Variants in LRRC4C observed in about 807,000 individuals in gnomAD.
LRRC4C encodes leucine-rich repeat-containing protein 4C.
Under a neutral mutation model 33.6 loss-of-function variants are expected in LRRC4C, and 5 were observed. The ratio of observed to expected loss-of-function variants is 0.15; its 90% CI spans 0.08 to 0.31. LRRC4C has a LOEUF of 0.31. Ranked by LOEUF, LRRC4C falls within the 10% of genes least tolerant of loss-of-function variation. LRRC4C has a pLI of 1.00. For missense variants in LRRC4C, 560 were observed against 796.7 expected, an observed-to-expected ratio of 0.70 and a Z score of 3.58; for synonymous variants, 329 against 302.0, an observed-to-expected ratio of 1.09 and a Z score of -0.93.
intron 2 of LRRC4C, among the ~76,000 whole-genome samples, chr11:40,907,156 C>G (rs1485624088): frequency 1.3e-5 from 2 of 152,216 alleles, no homozygotes; most frequent in Non-Finnish European, 2.9e-5. Context: ...TCAGATAGTT[C>G]AACATCTTTG....
At chr11:40,677,087 T>A (rs1027426213) in intron 2 of LRRC4C, among the ~76,000 whole-genome samples, 2 of 152,146 alleles carry the variant, frequency 1.3e-5, no homozygotes, top group Non-Finnish European at 2.9e-5. Flanking sequence ...CTCTTCTTTC[T>A]TTACTTTTCA....
intron 5 of LRRC4C, among the ~76,000 whole-genome samples, chr11:40,160,204 A>C (rs1307191648): frequency 2.0e-5 from 3 of 151,744 alleles, no homozygotes; most frequent in Non-Finnish European, 4.4e-5. Flanking sequence ...ACAGAGTTTT[A>C]CTATGAGTCC....
chr11:40,322,287 TCAGGCTGGAGTG>T (rs893072828), intron 3 of LRRC4C, among the ~76,000 whole-genome samples: 2 of 152,086 alleles, frequency 1.3e-5, no homozygotes, highest in Non-Finnish European at 1.5e-5. Flanking sequence ...ACTCTGTCAC[TCAGGCTGGAGTG>T]CAGTGGTGCG....
chr11:40,443,089 C>G (rs1951466542), intron 3 of LRRC4C, among the ~76,000 whole-genome samples: 1 of 152,242 alleles, frequency 6.6e-6, no homozygotes, highest in South Asian at 2.1e-4. Context: ...GATTGGCCAA[C>G]TGAGACTCAT....
intron 3 of LRRC4C, among the ~76,000 whole-genome samples, chr11:40,458,675 T>C (rs1280164206): frequency 6.6e-6 from 1 of 152,292 alleles, no homozygotes. Context: ...CTAAACTTGT[T>C]TTCTTTTGTA....
chr11:40,156,558 C>T (rs988924107), intron 5 of LRRC4C, among the ~76,000 whole-genome samples: 1 of 151,818 alleles, frequency 6.6e-6, no homozygotes, highest in African/African-American at 2.4e-5. Context: ...CAACAGAAAC[C>T]AAGCAGAGAA....
intron 2 of LRRC4C, among the ~76,000 whole-genome samples, chr11:40,891,440 A>C (rs1439358748): frequency 6.6e-6 from 1 of 152,188 alleles, no homozygotes; most frequent in East Asian, 1.9e-4. Context: ...TCAAAATACC[A>C]ATGACATCCT....
intron 1 of LRRC4C, among the ~76,000 whole-genome samples, chr11:41,180,666 G>A (rs1945406579): frequency 6.6e-6 from 1 of 152,142 alleles, no homozygotes; most frequent in Non-Finnish European, 1.5e-5. Context: ...TACTGATGGT[G>A]CAGTACTGCT....
At chr11:40,168,984 T>G (rs763622001) in intron 5 of LRRC4C, among the ~76,000 whole-genome samples, 2 of 152,072 alleles carry the variant, frequency 1.3e-5, no homozygotes, top group Non-Finnish European at 2.9e-5. Context: ...TTACTTTAGT[T>G]TTTTTTTCCT....
At chr11:40,867,304 G>A (rs1362739412) in intron 2 of LRRC4C, among the ~76,000 whole-genome samples, 1 of 152,156 alleles carries the variant, frequency 6.6e-6, no homozygotes, top group Non-Finnish European at 1.5e-5. Context: ...TTAGAAAGAT[G>A]AGGGCTTGAC....
intron 4 of LRRC4C, among the ~76,000 whole-genome samples, chr11:40,255,573 T>C (rs745682907): frequency 5.9e-5 from 9 of 152,194 alleles, no homozygotes; most frequent in Non-Finnish European, 1.2e-4. Context: ...CTAACCCAAA[T>C]AGAGTTGATG....
chr11:40,665,324 AAATATATATATAT>A (rs1943707205), intron 2 of LRRC4C, among the ~76,000 whole-genome samples: 3 of 10,302 alleles, frequency 2.9e-4, no homozygotes, highest in South Asian at 2.5e-3. Context: ...AAAAAAAAAA[AAATATATATATAT>A]ATATATATAT....
At chr11:41,196,668 G>A (rs1946191201) in intron 1 of LRRC4C, among the ~76,000 whole-genome samples, 1 of 151,962 alleles carries the variant, frequency 6.6e-6, no homozygotes, top group South Asian at 2.1e-4. Flanking sequence ...CAGCTGAGTG[G>A]GTAGATAGAT....
intron 1 of LRRC4C, among the ~76,000 whole-genome samples, chr11:41,410,183 T>C (rs1294932336): frequency 6.6e-6 from 1 of 152,154 alleles, no homozygotes; most frequent in African/African-American, 2.4e-5. Flanking sequence ...AGATCCAGTC[T>C]AGGGTGAGCT....
intron 2 of LRRC4C, among the ~76,000 whole-genome samples, chr11:40,718,624 AAT>A (rs554387163): frequency 7.1e-4 from 108 of 152,336 alleles, no homozygotes; most frequent in African/African-American, 2.5e-3. Context: ...CACCAAAAAT[AAT>A]ATGTTACTGC....
chr11:40,389,574 T>G (rs1362720886), intron 3 of LRRC4C, among the ~76,000 whole-genome samples: 1 of 152,132 alleles, frequency 6.6e-6, no homozygotes, highest in African/African-American at 2.4e-5. Context: ...TTTCACCTTG[T>G]AAAAGAGAGA....
chr11:40,692,297 T>TG (rs896211994), intron 2 of LRRC4C, among the ~76,000 whole-genome samples: 3 of 150,302 alleles, frequency 2.0e-5, no homozygotes, highest in South Asian at 2.1e-4. Flanking sequence ...AGGGGTGAGG[T>TG]GGGGGGGATG....
At chr11:40,606,910 T>C (rs1316350938) in intron 3 of LRRC4C, among the ~76,000 whole-genome samples, 1 of 152,126 alleles carries the variant, frequency 6.6e-6, no homozygotes, top group Non-Finnish European at 1.5e-5. Context: ...AGACACGTTA[T>C]AACAAAAAGT....
rs1261124896 is a variant in LRRC4C, at chr11:40,660,148, C to G, written c.-406-11870G>C. On this transcript the variant is annotated intron_variant, in intron 2 of 6. Coordinates refer to ENST00000528697, the MANE Select transcript of LRRC4C (RefSeq NM_001258419.2). ...TTTGGTACCTCTGATCCAGCCACAG[C>G]CTTACACAGAGCTGGAACCTGTGCC... Among the ~76,000 whole-genome samples the G allele has an allele frequency of 3.3e-5, 5 of 152,322 alleles. No individual in the cohort carries two copies. In the East Asian group the frequency reaches 7.7e-4, roughly 24 times the overall value.
Sources: allele counts gnomAD v4.1 joint callset (sites outside exome capture counted in the v4.1 genomes callset), GRCh38; gene constraint gnomAD v4.1.1; transcripts MANE v1.5; gene names NCBI Gene and HGNC (gene_info 2026-07-23, HGNC 2026-07-21).